The following FAM184B variants were observed in gnomAD, a reference collection of about 807,000 sequenced individuals.
The protein encoded by FAM184B is protein FAM184B.
In FAM184B, 111 loss-of-function variants were observed where a neutral mutation model predicts 135.9. The ratio of observed to expected loss-of-function variants is 0.82; its 90% CI spans 0.70 to 0.96. The LOEUF (loss-of-function observed/expected upper bound fraction) is 0.96, where lower values mean the gene tolerates loss of function less well. Among genes scored for constraint, FAM184B ranks in the 40% least tolerant of loss-of-function variants. The probability of loss-of-function intolerance (pLI) is 0.00; values close to 1 mark genes in which losing one functional copy is unlikely to be tolerated. For synonymous variants in FAM184B, 552 were observed against 524.8 expected, an observed-to-expected ratio of 1.05 and a Z score of -0.71; for missense variants, 1,375 against 1,323.9, an observed-to-expected ratio of 1.04 and a Z score of -0.60.
rs116945604 is a variant in FAM184B, at chr4:17,756,275, G to A, written c.141+24884C>T. Among the ~76,000 whole-genome samples, 11 of 152,268 alleles carry A rather than the reference G, an allele frequency of 7.2e-5. No homozygotes were observed. In the East Asian group the frequency reaches 2.1e-3, roughly 29 times the overall value. On this transcript the variant is annotated intron_variant, in intron 1 of 17. Coordinates refer to ENST00000265018, the MANE Select transcript of FAM184B (RefSeq NM_015688.2). ...AATAAAAAGCAAGAAACCTGTTAAA[G>A]ATTACTGCAACCACGTCAAAAGGAC... is the stretch of plus-strand genomic sequence containing the variant.
intron 7 of FAM184B, among the ~76,000 whole-genome samples, chr4:17,687,769 C>T (rs1261819227): frequency 2.0e-5 from 3 of 152,112 alleles, no homozygotes; most frequent in Non-Finnish European, 4.4e-5. Context: ...CCACCAGAGG[C>T]GAGGGGAGCC....
rs184559542 is a variant in FAM184B, at chr4:17,655,264, G to A, written c.2038-2281C>T. 3.7e-4 allele frequency among the ~76,000 whole-genome samples: 56 copies of A among 152,290 alleles called. No individual in the cohort carries two copies. The South Asian group carries it at 6.2e-3, about 17-fold the overall frequency. On this transcript the variant is annotated intron_variant, in intron 10 of 17. Transcript: ENST00000265018. ...CAATTGGTGACATGTTTATCCCCAG[G>A]GAAATGGGGATGGAGAGGTTGAAGC...
intron 11 of FAM184B, among the ~76,000 whole-genome samples, chr4:17,648,610 T>G (rs1715528167): frequency 6.6e-6 from 1 of 151,968 alleles, no homozygotes; most frequent in Admixed American, 6.6e-5. Flanking sequence ...CACATTAGCC[T>G]CCCAAAGTGC....
intron 1 of FAM184B, among the ~76,000 whole-genome samples, chr4:17,759,640 C>T (rs1577292344): frequency 6.6e-6 from 1 of 151,962 alleles, no homozygotes. Flanking sequence ...TTACAGACAT[C>T]CACCACCACA....
intron 7 of FAM184B, among the ~76,000 whole-genome samples, chr4:17,671,158 T>C (rs1716161242): frequency 6.6e-6 from 1 of 152,028 alleles, no homozygotes; most frequent in South Asian, 2.1e-4. Flanking sequence ...GGTAGGGAGA[T>C]TCAGAACACA....
intron 1 of FAM184B, among the ~76,000 whole-genome samples, chr4:17,744,823 G>C (rs1718125757): frequency 6.6e-6 from 1 of 152,186 alleles, no homozygotes. Flanking sequence ...CCTAATGCTT[G>C]AATATCAACC....
intron 1 of FAM184B, among the ~76,000 whole-genome samples, chr4:17,755,713 A>G (rs1577290931): frequency 1.3e-5 from 2 of 152,232 alleles, no homozygotes; most frequent in African/African-American, 4.8e-5. Flanking sequence ...ATACACCACA[A>G]AATACTATGC....
intron 7 of FAM184B, among the ~76,000 whole-genome samples, chr4:17,669,800 T>C: frequency 6.6e-6 from 1 of 152,064 alleles, no homozygotes; most frequent in Non-Finnish European, 1.5e-5. Flanking sequence ...GCAGACAAAA[T>C]GAGCTAGGAT....
chr4:17,657,625 C>A (rs1715805179), intron 10 of FAM184B, among the ~76,000 whole-genome samples: 1 of 150,498 alleles, frequency 6.6e-6, no homozygotes, highest in South Asian at 2.1e-4. Context: ...TTTCCCAAAC[C>A]CTTGGAAAGG....
chr4:17,671,492 C>T (rs956842323), intron 7 of FAM184B, among the ~76,000 whole-genome samples: 1 of 152,050 alleles, frequency 6.6e-6, no homozygotes, highest in African/African-American at 2.4e-5. Context: ...TTGGTAGAGA[C>T]CCCCATTACC....
chr4:17,760,922 C>T (rs1718532150), intron 1 of FAM184B, among the ~76,000 whole-genome samples: 1 of 152,314 alleles, frequency 6.6e-6, no homozygotes, highest in South Asian at 2.1e-4. Flanking sequence ...GTTGCTTCCA[C>T]CTTGAATGGA....
rs1390575178 is a variant in FAM184B, at chr4:17,658,204, C to T, written c.2037+146G>A. 8 of 803,050 alleles carry T rather than the reference C, an allele frequency of 1.0e-5. No homozygotes were observed. The East Asian group carries it at 2.2e-4, about 22-fold the overall frequency. 49.7% of individuals were successfully genotyped at this position (803,050 alleles called of 1,614,324 possible). A position where few individuals can be genotyped will look rare whatever the true frequency, so the allele number is the denominator to read the frequency against. On this transcript the variant is annotated intron_variant, in intron 10 of 17. Coordinates refer to ENST00000265018, the MANE Select transcript of FAM184B (RefSeq NM_015688.2). ...CAAAATCTCTCTGAGCCTCTTTCTTCATCTGGAAAAAGGGAATACAATAAT... is the reference window on the plus strand; with the variant it reads ...CAAAATCTCTCTGAGCCTCTTTCTTTATCTGGAAAAAGGGAATACAATAAT...
intron 1 of FAM184B, among the ~76,000 whole-genome samples, chr4:17,735,692 C>T (rs1347536414): frequency 6.6e-6 from 1 of 150,536 alleles, no homozygotes; most frequent in Non-Finnish European, 1.5e-5. Context: ...TCATTGCTCC[C>T]TATCTCATTT....
At chr4:17,724,011 A>G (rs576208517) in intron 1 of FAM184B, among the ~76,000 whole-genome samples, 1 of 152,162 alleles carries the variant, frequency 6.6e-6, no homozygotes, top group African/African-American at 2.4e-5. Flanking sequence ...TCAGAATCAC[A>G]CATGCCACCA....
chr4:17,629,604 T>A lies in FAM184B; in HGVS notation c.*2928A>T, dbSNP rs1173712193. The A allele has an allele frequency of 6.6e-6, 1 of 152,208 alleles. No individual in the cohort carries two copies. Among genetic ancestry groups the A allele is most frequent in the African/African-American group, 2.4e-5 (1 of 41,462 alleles). The allele number at this position is 152,208 out of a possible 1,614,324, so 9.4% of individuals were successfully genotyped here. A position where few individuals can be genotyped will look rare whatever the true frequency, so the allele number is the denominator to read the frequency against. On this transcript the variant is annotated 3_prime_UTR_variant, in exon 18 of 18. Coordinates refer to ENST00000265018, the MANE Select transcript of FAM184B (RefSeq NM_015688.2). ...CATATTAACTCTTCCACCCCTGTCA[T>A]AATACAGCCTGAAGAGATTTACCAT...
At chr4:17,766,758 C>CG (rs1470782229) in intron 1 of FAM184B, among the ~76,000 whole-genome samples, 5 of 152,254 alleles carry the variant, frequency 3.3e-5, no homozygotes, top group African/African-American at 7.2e-5. Flanking sequence ...TAGAGGATCC[C>CG]GCACCGGGGC....
At chr4:17,730,864 A>G (rs546569772) in intron 1 of FAM184B, among the ~76,000 whole-genome samples, 8 of 152,318 alleles carry the variant, frequency 5.3e-5, no homozygotes, top group African/African-American at 1.9e-4. Context: ...TTGGATAACT[A>G]GAATAACCAA....
Position 17,709,035 on chromosome 4 carries a change from C to G in FAM184B, c.751G>C (p.Glu251Gln). 6.5e-7 allele frequency: 1 copy of G among 1,550,270 alleles called. No individual in the cohort carries two copies. Among genetic ancestry groups the G allele is most frequent in the Non-Finnish European group, 8.7e-7 (1 of 1,146,958 alleles). The stretch of plus-strand genomic sequence containing the variant: ...TGGAAGTTCTTGCGGAGGTCCGACT[C>G]CTTCTCCTGCCACTGCCACAGGGCC... ...SQALWQWQEK[E>Q]SDLRKNFQVQ... The change falls in exon 2 of 18, where the codon GAG (glutamate) becomes CAG (glutamine). Residue 251 changes from glutamate (E) to glutamine (Q), a missense_variant. Transcript: ENST00000265018.
intron 10 of FAM184B, 76 bp from the exon 11 acceptor site, chr4:17,653,059 T>G: frequency 9.3e-6 from 13 of 1,404,684 alleles, no homozygotes; most frequent in South Asian, 1.3e-5. Flanking sequence ...TGCCAAGCTC[T>G]TCTGAGCCAG....
Sources: gnomAD v4.1 joint callset for allele counts (sites outside exome capture counted in the v4.1 genomes callset) on GRCh38, gnomAD v4.1.1 for gene constraint, MANE v1.5 for transcripts, NCBI Gene and HGNC (gene_info 2026-07-23, HGNC 2026-07-21) for gene names.